Variants in LDLRAD4 observed in about 807,000 individuals in gnomAD.
The protein encoded by LDLRAD4 is low density lipoprotein receptor class A domain containing 4.
In LDLRAD4, 5 loss-of-function variants were observed where a neutral mutation model predicts 17.0. The observed-to-expected ratio is 0.29, with a 90% CI of 0.15 to 0.62. LDLRAD4 has a LOEUF of 0.62. LDLRAD4 is among the 20% of genes least tolerant of loss of function. The pLI is 0.84. For missense variants in LDLRAD4, 340 were observed against 424.7 expected (o/e 0.80, Z 1.75); for synonymous variants, 168 against 171.8 (o/e 0.98, Z 0.17).
chr18:13,431,351 G>T (rs546724551), intron 2 of LDLRAD4, among the ~76,000 whole-genome samples: 4 of 152,254 alleles, frequency 2.6e-5, no homozygotes, highest in Non-Finnish European at 5.9e-5. Context: ...ATGCCTCCTC[G>T]CATCTTACAG....
chr18:13,256,208 A>G (rs891415621), intron 1 of LDLRAD4, among the ~76,000 whole-genome samples: 2 of 152,156 alleles, frequency 1.3e-5, no homozygotes, highest in Non-Finnish European at 2.9e-5. Context: ...TGTTGGCAGG[A>G]CTCAGATCAC....
intron 1 of LDLRAD4, among the ~76,000 whole-genome samples, chr18:13,261,267 G>T (rs2043802063): frequency 6.6e-6 from 1 of 152,232 alleles, no homozygotes; most frequent in South Asian, 2.1e-4. Context: ...GCGGGTTCTT[G>T]CTGTTCTACT....
At chr18:13,320,527 A>G (rs2081162878) in intron 1 of LDLRAD4, among the ~76,000 whole-genome samples, 1 of 152,162 alleles carries the variant, frequency 6.6e-6, no homozygotes, top group Non-Finnish European at 1.5e-5. Flanking sequence ...ATCCCCTCTG[A>G]TAGAGGGTAA....
intron 3 of LDLRAD4, among the ~76,000 whole-genome samples, chr18:13,616,931 G>A (rs924805345): frequency 2.0e-5 from 3 of 152,044 alleles, no homozygotes; most frequent in Non-Finnish European, 4.4e-5. Flanking sequence ...AACCCCCAGG[G>A]CCGACGCTCA....
intron 2 of LDLRAD4, among the ~76,000 whole-genome samples, chr18:13,422,952 T>C (rs553739169): frequency 4.8e-4 from 73 of 152,246 alleles, no homozygotes; most frequent in Admixed American, 2.9e-3. Flanking sequence ...GCACTGGAGC[T>C]GGTAGCAACT....
intron 3 of LDLRAD4, chr18:13,542,503 C>T (rs2147961414): frequency 6.5e-6 from 1 of 152,964 alleles, no homozygotes; most frequent in South Asian, 2.1e-4. Flanking sequence ...GCTGGCTTCT[C>T]CTCAGCACTT....
intron 3 of LDLRAD4, among the ~76,000 whole-genome samples, chr18:13,474,154 C>T (rs1240693151): frequency 1.3e-5 from 2 of 152,164 alleles, no homozygotes; most frequent in Non-Finnish European, 2.9e-5. Context: ...CTTCCTGAGG[C>T]TTCCCCAGAG....
intron 3 of LDLRAD4, among the ~76,000 whole-genome samples, chr18:13,578,601 G>A (rs1413559483): frequency 1.3e-5 from 2 of 152,196 alleles, no homozygotes; most frequent in Non-Finnish European, 2.9e-5. Context: ...GCCCACCTGG[G>A]AGAAGTGACA....
At chr18:13,273,372 C>G (rs1181809217), upstream of LDLRAD4, among the ~76,000 whole-genome samples, 21 of 152,174 alleles carry the variant, frequency 1.4e-4, no homozygotes, top group Non-Finnish European at 1.5e-5. Flanking sequence ...GTGATCATAG[C>G]TCACTGCAGC....
intron 1 of LDLRAD4, among the ~76,000 whole-genome samples, chr18:13,364,392 CGGTGGTGT>C (rs2083906891): frequency 6.6e-6 from 1 of 152,046 alleles, no homozygotes; most frequent in Non-Finnish European, 1.5e-5. Context: ...GGCTGAAGTG[CGGTGGTGT>C]GGTCATAGCT....
intron 3 of LDLRAD4, chr18:13,515,253 A>C (rs900015993): frequency 6.6e-6 from 1 of 152,230 alleles, no homozygotes; most frequent in Non-Finnish European, 1.5e-5. Context: ...GTTTTAAAGA[A>C]ACCAAAATCC....
intron 3 of LDLRAD4, among the ~76,000 whole-genome samples, chr18:13,467,202 A>G (rs1040507340): frequency 5.9e-5 from 9 of 152,216 alleles, no homozygotes; most frequent in Non-Finnish European, 1.3e-4. Context: ...AAAAGAATGA[A>G]AACTATCCCT....
At chr18:13,329,568 C>T (rs56864070) in intron 1 of LDLRAD4, among the ~76,000 whole-genome samples, 146 of 152,254 alleles carry the variant, frequency 9.6e-4, no homozygotes, top group African/African-American at 3.3e-3. Flanking sequence ...TTTACAGTTA[C>T]AGTTAGGGAG....
intron 2 of LDLRAD4, among the ~76,000 whole-genome samples, chr18:13,394,354 G>T (rs2086495719): frequency 6.6e-6 from 1 of 152,100 alleles, no homozygotes; most frequent in South Asian, 2.1e-4. Flanking sequence ...CTCATGTCGA[G>T]ATGTGTACTT....
chr18:13,650,860 C>T (rs1480170358), exon 6 of LDLRAD4: 2 of 152,340 alleles, frequency 1.3e-5, no homozygotes, highest in Non-Finnish European at 2.9e-5. Flanking sequence ...TATTAAATAT[C>T]AATATTATAA....
intron 3 of LDLRAD4, among the ~76,000 whole-genome samples, chr18:13,601,653 G>GAAAAAAAAAAA (rs71174174): frequency 8.0e-6 from 1 of 124,518 alleles, no homozygotes. Flanking sequence ...GACTCTGTCT[G>GAAAAAAAAAAA]AAAAAAAAAA....
At chr18:13,643,488 C>T in intron 5 of LDLRAD4, 76 bp downstream of exon 6, 1 of 578,190 alleles carries the variant, frequency 1.7e-6, no homozygotes, top group Non-Finnish European at 2.5e-6. Flanking sequence ...GTCCCTGCCA[C>T]GTGGGGTGGA....
intron 3 of LDLRAD4, chr18:13,562,737 C>T (rs2094554875): frequency 6.6e-6 from 1 of 152,206 alleles, no homozygotes; most frequent in South Asian, 2.1e-4. Flanking sequence ...AAAAAATATC[C>T]AGTGAAGGCT....
chr18:13,566,424 G>A (rs760400307), intron 3 of LDLRAD4, among the ~76,000 whole-genome samples: 26 of 151,016 alleles, frequency 1.7e-4, no homozygotes, highest in Non-Finnish European at 3.4e-4. Context: ...GTGCAGTGGC[G>A]CAATCTTAGC....
Sources: gnomAD v4.1 joint callset for allele counts (sites outside exome capture counted in the v4.1 genomes callset) on GRCh38, gnomAD v4.1.1 for gene constraint, MANE v1.5 for transcripts, NCBI Gene and HGNC (gene_info 2026-07-23, HGNC 2026-07-21) for gene names.